MPDZ: variants seen among roughly 807,000 people sequenced by gnomAD.
The protein encoded by MPDZ is multiple PDZ domain protein.
A neutral mutation model predicts 239.1 loss-of-function variants in MPDZ; 234 were observed. That is an observed-to-expected ratio of 0.98 (90% confidence interval 0.88 to 1.09). The LOEUF (loss-of-function observed/expected upper bound fraction) is 1.09, where lower values mean the gene tolerates loss of function less well. MPDZ is among the 50% of genes least tolerant of loss of function. MPDZ has a pLI of 0.00. For missense variants in MPDZ, 3,175 were observed against 2,510.0 expected (o/e 1.26, Z -5.66); for synonymous variants, 1,048 against 881.3 (o/e 1.19, Z -3.35).
chr9:13,206,102 GT>G lies in MPDZ; in HGVS notation c.1291-4del. 1 of 1,547,748 alleles carries G rather than the reference GT, an allele frequency of 6.5e-7. No homozygotes were observed. The highest frequency in any genetic ancestry group is 2.2e-5 in the Admixed American group (1 of 46,380). ...CCCTGAAGGTTTGTGCCATCTACCT[GT>G]GATTAAAAAAAAAAAAAAGCATGTT... On this transcript the variant is annotated splice_polypyrimidine_tract_variant and splice_region_variant and intron_variant, in intron 10 of 46. Transcript: ENST00000319217.
At chr9:13,165,185 C>A (rs955126117) in intron 22 of MPDZ, among the ~76,000 whole-genome samples, 3 of 152,122 alleles carry the variant, frequency 2.0e-5, no homozygotes, top group South Asian at 4.1e-4. Flanking sequence ...GAAAACGTAA[C>A]AATCTCATAG....
chr9:13,278,905 C>T, intron 1 of MPDZ: 1 of 152,272 alleles, frequency 6.6e-6, no homozygotes, highest in Non-Finnish European at 1.5e-5. Flanking sequence ...CAGGGGAGAG[C>T]AACAGGCTCC....
intron 22 of MPDZ, among the ~76,000 whole-genome samples, chr9:13,163,025 A>G (rs1400391678): frequency 6.6e-6 from 1 of 152,154 alleles, no homozygotes; most frequent in East Asian, 1.9e-4. Flanking sequence ...CTGATTAACT[A>G]TGTGTTTACC....
intron 46 of MPDZ, 33 bp from the exon 47 acceptor site, chr9:13,107,144 C>CA (rs1563804380): frequency 6.6e-7 from 1 of 1,526,112 alleles, no homozygotes; most frequent in South Asian, 1.3e-5. Flanking sequence ...GTTTATTTCT[C>CA]AAAAAATGCT....
intron 1 of MPDZ, among the ~76,000 whole-genome samples, chr9:13,274,137 T>C (rs58266706): frequency 4.3e-4 from 66 of 152,324 alleles, no homozygotes; most frequent in African/African-American, 1.6e-3. Flanking sequence ...CCGTCTTCTT[T>C]TCACTTGTAT....
In MPDZ at chr9:13,199,288, C is replaced by A. The variant is rs188355380; in HGVS notation, c.1547-3058G>T. ...CTTGTAGCTGTTGTAAATGGGATCACTTTCTTGATTTCTTTTTTGGATTAT... is the reference window on the plus strand; with the variant it reads ...CTTGTAGCTGTTGTAAATGGGATCAATTTCTTGATTTCTTTTTTGGATTAT... On this transcript the variant is annotated intron_variant, in intron 12 of 46. Transcript: ENST00000319217. 6.3e-4 allele frequency among the ~76,000 whole-genome samples: 96 copies of A among 152,050 alleles called. 1 individual carries two copies. Among genetic ancestry groups the A allele is most frequent in the African/African-American group, 2.2e-3 (92 of 41,516 alleles).
intron 23 of MPDZ, among the ~76,000 whole-genome samples, chr9:13,161,769 T>C (rs965918477): frequency 4.6e-5 from 7 of 152,126 alleles, no homozygotes; most frequent in Admixed American, 6.6e-5. Context: ...CTCTCCCTGA[T>C]CTTGACTCAG....
intron 2 of MPDZ, among the ~76,000 whole-genome samples, chr9:13,248,454 A>G (rs892306407): frequency 6.6e-6 from 1 of 152,114 alleles, no homozygotes; most frequent in Non-Finnish European, 1.5e-5. Flanking sequence ...ACTATGTCCT[A>G]CTAGTCCTAG....
intron 39 of MPDZ, among the ~76,000 whole-genome samples, chr9:13,115,688 G>A (rs1943292169): frequency 6.6e-6 from 1 of 152,068 alleles, no homozygotes; most frequent in South Asian, 2.1e-4. Flanking sequence ...CAAAGCGACT[G>A]TAATCCCACC....
intron 7 of MPDZ, 39 bp from the exon 8 acceptor site, chr9:13,219,807 T>C (rs367860175): frequency 9.8e-5 from 154 of 1,573,726 alleles, no homozygotes; most frequent in Non-Finnish European, 1.3e-4. Flanking sequence ...CTATTATTAT[T>C]TTAACTGCAA....
rs1427276268 is a variant in MPDZ, at chr9:13,162,782, G to A, written c.3268C>T (p.Pro1090Ser). 6.2e-7 allele frequency: 1 copy of A among 1,608,454 alleles called. No homozygotes were observed. The highest frequency in any genetic ancestry group is 1.1e-5 in the South Asian group (1 of 90,408). Residue 1090 changes from proline (P) to serine (S), a missense_variant, in exon 23 of 47, where the codon CCT becomes TCT. Coordinates refer to ENST00000319217, the MANE Select transcript of MPDZ (RefSeq NM_001378778.1). ...TTGAACTCTTCCAAATGTTCTGCAG[G>A]CACATAAGTAATTCTGGAACAAACC... ...IGPDIKITYV[P>S]AEHLEEFKIS... is the part of the protein sequence containing the mutation.
At chr9:13,190,011 G>GA in intron 16 of MPDZ, 103 bp downstream of exon 16, 3 of 1,059,744 alleles carry the variant, frequency 2.8e-6, no homozygotes, top group Non-Finnish European at 4.0e-6. Context: ...AGACTGACTA[G>GA]AAAAAAGAAA....
intron 3 of MPDZ, among the ~76,000 whole-genome samples, chr9:13,238,341 G>T (rs938389693): frequency 6.6e-6 from 1 of 152,154 alleles, no homozygotes; most frequent in Admixed American, 6.5e-5. Context: ...ATTACAGTGG[G>T]GTGACCAGCC....
chr9:13,196,638 T>C (rs1465018973), intron 12 of MPDZ, among the ~76,000 whole-genome samples: 1 of 151,970 alleles, frequency 6.6e-6, no homozygotes, highest in Non-Finnish European at 1.5e-5. Flanking sequence ...TGCTATTATT[T>C]CACAAAATCA....
chr9:13,178,287 T>C (rs919986267), intron 19 of MPDZ, among the ~76,000 whole-genome samples: 5 of 150,792 alleles, frequency 3.3e-5, no homozygotes, highest in African/African-American at 4.9e-5. Context: ...ATTTGGTACA[T>C]ACTGCTAACT....
At chr9:13,234,642 A>G (rs1381836739) in intron 3 of MPDZ, among the ~76,000 whole-genome samples, 4 of 152,150 alleles carry the variant, frequency 2.6e-5, no homozygotes, top group Non-Finnish European at 4.4e-5. Context: ...AGTAAGAAAA[A>G]ATGACTACTG....
chr9:13,145,956 C>A (rs1406710510), intron 26 of MPDZ, among the ~76,000 whole-genome samples: 2 of 151,458 alleles, frequency 1.3e-5, no homozygotes, highest in African/African-American at 2.4e-5. Flanking sequence ...CACCCACACA[C>A]AAAAAAAATA....
intron 19 of MPDZ, among the ~76,000 whole-genome samples, chr9:13,178,453 C>A (rs775768637): frequency 1.1e-4 from 17 of 152,050 alleles, no homozygotes; most frequent in East Asian, 1.9e-4. Context: ...ATTTGTATTT[C>A]TTCTGTTAAC....
At chr9:13,123,658 G>A (rs977235770) in intron 35 of MPDZ, among the ~76,000 whole-genome samples, 7 of 152,016 alleles carry the variant, frequency 4.6e-5, no homozygotes, top group Non-Finnish European at 2.9e-5. Context: ...TTCAATGGAG[G>A]CAAACACATT....
Sources: allele counts gnomAD v4.1 joint callset (sites outside exome capture counted in the v4.1 genomes callset), GRCh38; gene constraint gnomAD v4.1.1; transcripts MANE v1.5; gene names NCBI Gene and HGNC (gene_info 2026-07-23, HGNC 2026-07-21).